Variants in ANAPC10 observed in about 807,000 individuals in gnomAD.
ANAPC10 encodes the protein anaphase promoting complex subunit 10.
Under a neutral mutation model 22.0 loss-of-function variants are expected in ANAPC10, and 12 were observed. The observed-to-expected ratio is 0.55, with a 90% CI of 0.35 to 0.88. The LOEUF (loss-of-function observed/expected upper bound fraction) is 0.88. ANAPC10 is among the 40% of genes least tolerant of loss of function. The pLI is 0.01. For missense variants in ANAPC10, 188 were observed against 220.9 expected (o/e 0.85, Z 0.94); for synonymous variants, 65 against 69.5 (o/e 0.94, Z 0.32).
intron 4 of ANAPC10, among the ~76,000 whole-genome samples, chr4:145,063,775 A>T (rs2126462559): frequency 6.6e-6 from 1 of 152,258 alleles, no homozygotes; most frequent in Non-Finnish European, 1.5e-5. Context: ...AATACAACTC[A>T]GAAGTAAAAA....
At chr4:144,998,242 C>T (rs541490321) in intron 4 of ANAPC10, among the ~76,000 whole-genome samples, 1 of 152,292 alleles carries the variant, frequency 6.6e-6, no homozygotes, top group Admixed American at 6.5e-5. Flanking sequence ...TAATAGACAT[C>T]CACAGAACTT....
In ANAPC10 at chr4:144,995,496, G is replaced by A. The variant is rs200295830; in HGVS notation, c.435C>T (p.His145=). Residue 145 remains histidine (H), a synonymous_variant, in exon 5 of 5, where the codon CAC becomes CAT. Transcript: ENST00000507656. ...TCATATGGGTGTCTCTTCCATTCTG[G>A]TGATTGGCTAGAACAGCAATCTGTA... The part of the protein sequence containing the change: ...FMIQIAVLAN[H]QNGRDTHMRQ... The A allele has an allele frequency of 2.1e-5, 34 of 1,613,502 alleles. No individual in the cohort carries two copies. Among genetic ancestry groups the A allele is most frequent in the Non-Finnish European group, 2.8e-5 (33 of 1,179,776 alleles).
rs1251722073 is a variant in ANAPC10, at chr4:145,039,415, G to A, written c.327+25157C>T. On this transcript the variant is annotated intron_variant, in intron 4 of 4. Transcript: ENST00000507656. Reference sequence around the variant, plus strand: ...TAGTGTGAATTATATAGGAGTGGATGAAAGAGACATGATTAAGGCTGACTC... The same window carrying A: ...TAGTGTGAATTATATAGGAGTGGATAAAAGAGACATGATTAAGGCTGACTC... 2.0e-5 allele frequency among the ~76,000 whole-genome samples: 3 copies of A among 152,168 alleles called. No homozygotes were observed. The East Asian group carries it at 5.8e-4, about 29-fold the overall frequency.
intron 1 of ANAPC10, chr4:145,097,163 C>T (rs964809605): frequency 7.8e-6 from 2 of 257,776 alleles, no homozygotes; most frequent in Non-Finnish European, 1.5e-5. Flanking sequence ...GATCGTGCTA[C>T]TGCACTCCAG....
At chr4:145,090,480 A>G (rs971564042) in intron 2 of ANAPC10, among the ~76,000 whole-genome samples, 1 of 152,168 alleles carries the variant, frequency 6.6e-6, no homozygotes, top group Non-Finnish European at 1.5e-5. Context: ...CTCCATGAAG[A>G]CTTCCATGAT....
chr4:145,044,711 C>T (rs1399661732), intron 4 of ANAPC10, among the ~76,000 whole-genome samples: 1 of 152,070 alleles, frequency 6.6e-6, no homozygotes, highest in Admixed American at 6.6e-5. Flanking sequence ...CGTTCATAAC[C>T]TATAACTGAA....
rs566790765 is a variant in ANAPC10, at chr4:145,097,446, G to C, written c.-13+674C>G. On this transcript the variant is annotated intron_variant, in intron 1 of 4. Transcript: ENST00000507656. ...CTTTGGTAGCGCAGTTACTGCTACT[G>C]AACATTGTTATATATGCTATTCAAA... 813 of 1,277,590 alleles carry C rather than the reference G, an allele frequency of 6.4e-4. 10 individuals carry two copies. In the South Asian group the frequency reaches 9.7e-3, roughly 15 times the overall value. 79.1% of individuals were successfully genotyped at this position (1,277,590 alleles called of 1,614,324 possible).
chr4:145,020,324 A>C (rs1029249157), intron 4 of ANAPC10, among the ~76,000 whole-genome samples: 10 of 152,196 alleles, frequency 6.6e-5, no homozygotes, highest in African/African-American at 2.2e-4. Flanking sequence ...ACAGAATGAA[A>C]ACAAAAATCA....
At chr4:145,030,567 G>A (rs1737407468) in intron 4 of ANAPC10, among the ~76,000 whole-genome samples, 1 of 152,130 alleles carries the variant, frequency 6.6e-6, no homozygotes, top group Non-Finnish European at 1.5e-5. Context: ...GGTAATTAAT[G>A]GAGTTTTAGC....
At chr4:145,054,684 CTGTGTGTGTGCCTGTGTGTGTGTGCA>C (rs1342318119) in intron 4 of ANAPC10, among the ~76,000 whole-genome samples, 10 of 138,876 alleles carry the variant, frequency 7.2e-5, no homozygotes, top group Non-Finnish European at 1.2e-4. Context: ...GTGTGTGTGC[CTGTGTGTGTGCCTGTGTGTGTGTGCA>C]TGTGTGTGTG....
At chr4:145,042,535 T>C (rs1487438716) in intron 4 of ANAPC10, among the ~76,000 whole-genome samples, 1 of 152,212 alleles carries the variant, frequency 6.6e-6, no homozygotes, top group African/African-American at 2.4e-5. Flanking sequence ...AATTTCATTT[T>C]TTCATTATTT....
chr4:144,998,875 C>G (rs200209460), intron 4 of ANAPC10, among the ~76,000 whole-genome samples: 1 of 151,854 alleles, frequency 6.6e-6, no homozygotes, highest in African/African-American at 2.4e-5. Context: ...GCTAGCAACA[C>G]TAATAAAGAA....
chr4:145,038,821 CAAAAAAAAAA>C lies in ANAPC10; in HGVS notation c.327+25741_327+25750del, dbSNP rs140379083. Among the ~76,000 whole-genome samples, 3 of 19,222 alleles carry C rather than the reference CAAAAAAAAAA, an allele frequency of 1.6e-4. No individual in the cohort carries two copies. In the African/African-American group the frequency reaches 1.6e-3, roughly 10 times the overall value. The allele number at this position is 19,222 out of a possible 152,430, so 12.6% of individuals were successfully genotyped here. Reference sequence around the variant, plus strand: ...TGGGAGACAGAGTGAGACTCTGTCTCAAAAAAAAAAAAAAAAAAAAAAAAAAAAGGCTAAC... The same window carrying C: ...TGGGAGACAGAGTGAGACTCTGTCTCAAAAAAAAAAAAAAAAAAGGCTAAC... On this transcript the variant is annotated intron_variant, in intron 4 of 4. Coordinates refer to ENST00000507656, the MANE Select transcript of ANAPC10 (RefSeq NM_001256706.2).
chr4:145,055,284 G>A (rs568832826), intron 4 of ANAPC10, among the ~76,000 whole-genome samples: 5 of 152,280 alleles, frequency 3.3e-5, no homozygotes, highest in Admixed American at 3.3e-4. Flanking sequence ...GGAGGCCAGT[G>A]AGGTAGCTCA....
At chr4:145,024,887 G>C (rs1445412730) in intron 4 of ANAPC10, among the ~76,000 whole-genome samples, 4 of 152,222 alleles carry the variant, frequency 2.6e-5, no homozygotes, top group African/African-American at 9.6e-5. Flanking sequence ...TCTTCCAGCA[G>C]AAGGCTGTTT....
intron 1 of ANAPC10, 110 bp from the exon 2 acceptor site, chr4:145,096,221 T>C: frequency 1.8e-6 from 2 of 1,135,118 alleles, no homozygotes; most frequent in South Asian, 1.5e-5. Flanking sequence ...ACATTAATCA[T>C]TTATTCTGAA....
chr4:145,042,992 G>A (rs1358748760), intron 4 of ANAPC10, among the ~76,000 whole-genome samples: 9 of 150,972 alleles, frequency 6.0e-5, no homozygotes, highest in Non-Finnish European at 8.9e-5. Context: ...CACAAATAGC[G>A]AAGAAGCACA....
At chr4:145,030,364 G>C (rs1232231616) in intron 4 of ANAPC10, among the ~76,000 whole-genome samples, 2 of 152,156 alleles carry the variant, frequency 1.3e-5, no homozygotes, top group Non-Finnish European at 2.9e-5. Flanking sequence ...TTTATACAGT[G>C]AATCTTTCTC....
At chr4:145,036,086 A>G (rs1177111812) in intron 4 of ANAPC10, among the ~76,000 whole-genome samples, 1 of 152,230 alleles carries the variant, frequency 6.6e-6, no homozygotes, top group African/African-American at 2.4e-5. Context: ...CCAGGAAAAC[A>G]AAATAATGCC....
Sources: gnomAD v4.1 joint callset for allele counts (sites outside exome capture counted in the v4.1 genomes callset) on GRCh38, gnomAD v4.1.1 for gene constraint, MANE v1.5 for transcripts, NCBI Gene and HGNC (gene_info 2026-07-23, HGNC 2026-07-21) for gene names.